ANKRD12: variants seen among roughly 807,000 people sequenced by gnomAD.
The protein encoded by ANKRD12 is ankyrin repeat domain-containing protein 12.
In ANKRD12, 85 loss-of-function variants were observed where a neutral mutation model predicts 183.4. The observed-to-expected ratio is 0.46, with a 90% CI of 0.39 to 0.56. The LOEUF (loss-of-function observed/expected upper bound fraction) is 0.56. ANKRD12 is among the 20% of genes least tolerant of loss of function. ANKRD12 has a pLI of 0.00. For missense variants in ANKRD12, 2,405 were observed against 2,357.1 expected (o/e 1.02, Z -0.42); for synonymous variants, 914 against 800.2 (o/e 1.14, Z -2.40).
At chr18:9,210,532 C>T (rs941708487) in intron 5 of ANKRD12, among the ~76,000 whole-genome samples, 1 of 151,562 alleles carries the variant, frequency 6.6e-6, no homozygotes, top group Non-Finnish European at 1.5e-5. Context: ...ACCAGCCTGG[C>T]CAACATGGTG....
intron 10 of ANKRD12, among the ~76,000 whole-genome samples, chr18:9,268,973 CAAT>C (rs1208628565): frequency 1.3e-5 from 2 of 152,194 alleles, no homozygotes; most frequent in East Asian, 3.9e-4. Flanking sequence ...TCTTATACAC[CAAT>C]AACAGACAAA....
intron 2 of ANKRD12, among the ~76,000 whole-genome samples, chr18:9,194,411 CA>C (rs1397594887): frequency 6.6e-6 from 1 of 151,812 alleles, no homozygotes; most frequent in Non-Finnish European, 1.5e-5. Flanking sequence ...GGCTGGAGTG[CA>C]ACGGTATGAT....
intron 8 of ANKRD12, among the ~76,000 whole-genome samples, chr18:9,237,046 A>G (rs915520131): frequency 1.3e-5 from 2 of 152,224 alleles, no homozygotes; most frequent in South Asian, 2.1e-4. Context: ...ATATAAATAC[A>G]TATATTTTCT....
chr18:9,201,876 G>T (rs1426763136), intron 3 of ANKRD12, among the ~76,000 whole-genome samples: 1 of 150,700 alleles, frequency 6.6e-6, no homozygotes, highest in African/African-American at 2.4e-5. Flanking sequence ...CACCCAGGCT[G>T]GAGTGCAGTG....
At chr18:9,169,756 T>A (rs2032492945) in intron 1 of ANKRD12, among the ~76,000 whole-genome samples, 1 of 152,252 alleles carries the variant, frequency 6.6e-6, no homozygotes, top group Admixed American at 6.5e-5. Context: ...CCTGTCATTA[T>A]GATGTTAGCT....
chr18:9,230,769 C>T (rs1362677687), intron 8 of ANKRD12, among the ~76,000 whole-genome samples: 1 of 151,950 alleles, frequency 6.6e-6, no homozygotes, highest in Non-Finnish European at 1.5e-5. Flanking sequence ...AGAGATTCTC[C>T]TGCCTCAGCC....
At position 9,208,776 on chromosome 18, in the gene ANKRD12, C is replaced by G. The variant is rs969074158; in HGVS notation, c.424C>G (p.Gln142Glu). Residue 142 changes from glutamine (Q) to glutamate (E), a missense_variant, in exon 5 of 13, where the codon CAG becomes GAG. By Grantham distance (29) the Gln-to-Glu change is conservative. Transcript: ENST00000262126. ...GCGAAAACAGATGGCACTTCTTATGCAGATGACAGCAAGAGACAACAGTCC... is the reference window on the plus strand; with the variant it reads ...GCGAAAACAGATGGCACTTCTTATGGAGATGACAGCAAGAGACAACAGTCC... ...SERKQMALLMQMTARDNSPDS... is the reference protein window; with the variant it reads ...SERKQMALLMEMTARDNSPDS... 2 of 1,605,006 alleles carry G rather than the reference C, an allele frequency of 1.2e-6. No individual in the cohort carries two copies. The highest frequency in any genetic ancestry group is 1.7e-6 in the Non-Finnish European group (2 of 1,175,566).
intron 4 of ANKRD12, among the ~76,000 whole-genome samples, chr18:9,207,477 G>T (rs2035551233): frequency 6.6e-6 from 1 of 151,816 alleles, no homozygotes; most frequent in African/African-American, 2.4e-5. Flanking sequence ...AGCCATAAAG[G>T]TGACAGAGTA....
At chr18:9,244,121 C>T (rs1190418676) in intron 8 of ANKRD12, among the ~76,000 whole-genome samples, 4 of 152,048 alleles carry the variant, frequency 2.6e-5, no homozygotes, top group Non-Finnish European at 5.9e-5. Flanking sequence ...ACAACAAGAG[C>T]GAAATTCCGT....
intron 1 of ANKRD12, among the ~76,000 whole-genome samples, chr18:9,177,983 T>C (rs1404583104): frequency 6.6e-6 from 1 of 152,256 alleles, no homozygotes; most frequent in African/African-American, 2.4e-5. Context: ...ATTTATATGT[T>C]CTGGATATAA....
intron 3 of ANKRD12, among the ~76,000 whole-genome samples, chr18:9,201,897 G>T (rs111387417): frequency 6.6e-6 from 1 of 150,922 alleles, no homozygotes; most frequent in East Asian, 2.0e-4. Context: ...GCACAGTCTC[G>T]GCTCACTGCA....
At position 9,182,446 on chromosome 18, in the gene ANKRD12, G is replaced by C; in HGVS notation, c.14G>C (p.Gly5Ala). ...AACAGCTGTAAAATGCCCAAATCTGGGTTCACAAAACCAATTCAGAGTGAA... is the reference window on the plus strand; with the variant it reads ...AACAGCTGTAAAATGCCCAAATCTGCGTTCACAAAACCAATTCAGAGTGAA... The part of the protein sequence containing the change: MPKS[G>A]FTKPIQSENS... Residue 5 changes from glycine to alanine, a missense_variant, in exon 2 of 13, where the codon GGG becomes GCG. Physicochemically the swap from Gly to Ala is moderately conservative, Grantham distance 60. Transcript: ENST00000262126. The C allele has an allele frequency of 6.2e-7, 1 of 1,610,540 alleles. No individual in the cohort carries two copies. Among genetic ancestry groups the C allele is most frequent in the Non-Finnish European group, 8.5e-7 (1 of 1,178,276 alleles).
chr18:9,279,501 T>C, intron 11 of ANKRD12, 48 bp from the exon 12 acceptor site: 1 of 1,133,888 alleles, frequency 8.8e-7, no homozygotes. Context: ...GGCATATAGA[T>C]TTTAAAGTGA....
intron 3 of ANKRD12, chr18:9,200,762 C>T (rs1364087580): frequency 6.6e-6 from 1 of 152,134 alleles, no homozygotes; most frequent in African/African-American, 2.4e-5. Context: ...TAAACATAAC[C>T]AAAAACTAAC....
At position 9,182,441 on chromosome 18, in the gene ANKRD12, A is replaced by C; in HGVS notation, c.9A>C (p.Lys3Asn). 2 of 1,610,716 alleles carry C rather than the reference A, an allele frequency of 1.2e-6. No individual in the cohort carries two copies. The highest frequency in any genetic ancestry group is 1.7e-6 in the Non-Finnish European group (2 of 1,178,264). MPKSGFTKPIQSE... is the reference protein window; with the variant it reads MPNSGFTKPIQSE... ...AGCTGAACAGCTGTAAAATGCCCAA[A>C]TCTGGGTTCACAAAACCAATTCAGA... Residue 3 changes from lysine to asparagine, a missense_variant, in exon 2 of 13, where the codon AAA (lysine) becomes AAC (asparagine). Lys to Asn is a moderately conservative substitution (Grantham distance 94, BLOSUM62 0). Around this residue, in one of 7 missense-constraint regions of ANKRD12, gnomAD observed 145 missense variants for 145.6 expected, o/e 1.00. Coordinates refer to ENST00000262126, the MANE Select transcript of ANKRD12 (RefSeq NM_015208.5).
chr18:9,235,114 CTA>C (rs143601357), intron 8 of ANKRD12, among the ~76,000 whole-genome samples: 11,169 of 152,154 alleles, frequency 0.073, 421 homozygotes, highest in African/African-American at 0.082. Context: ...TCTGATATCT[CTA>C]TAGTCTGCCA....
intron 8 of ANKRD12, among the ~76,000 whole-genome samples, chr18:9,247,897 C>A (rs1013808743): frequency 6.6e-6 from 1 of 152,136 alleles, no homozygotes; most frequent in Non-Finnish European, 1.5e-5. Context: ...AGCGATTCTC[C>A]TGCCTTAGCC....
At chr18:9,228,866 C>G (rs1005482964) in intron 8 of ANKRD12, among the ~76,000 whole-genome samples, 1 of 149,982 alleles carries the variant, frequency 6.7e-6, no homozygotes, top group African/African-American at 2.4e-5. Context: ...GGTCTTAGCT[C>G]TAAAATCTTT....
intron 9 of ANKRD12, chr18:9,260,270 G>A (rs191259320): frequency 3.3e-4 from 50 of 152,176 alleles, no homozygotes; most frequent in African/African-American, 1.2e-3. Flanking sequence ...TGGAGGCCAG[G>A]CCTGATAACA....
Sources: allele counts gnomAD v4.1 joint callset (sites outside exome capture counted in the v4.1 genomes callset), GRCh38; gene constraint gnomAD v4.1.1; regional missense constraint gnomAD v4.1.1; transcripts MANE v1.5; gene names NCBI Gene and HGNC (gene_info 2026-07-23, HGNC 2026-07-21).